The following AP1B1 variants were observed in gnomAD, a reference collection of about 807,000 sequenced individuals.
AP1B1 encodes the protein AP-1 complex subunit beta-1.
In AP1B1, 36 loss-of-function variants were observed where a neutral mutation model predicts 104.3. The observed-to-expected ratio is 0.35, with a 90% CI of 0.26 to 0.46. The LOEUF is 0.46. Ranked by LOEUF, AP1B1 falls within the 20% of genes least tolerant of loss-of-function variation. The probability of loss-of-function intolerance (pLI) is 1.00; values close to 1 mark genes in which losing one functional copy is unlikely to be tolerated. For synonymous variants in AP1B1, 504 were observed against 517.5 expected (o/e 0.97, Z 0.35); for missense variants, 901 against 1,247.9 (o/e 0.72, Z 4.19).
intron 1 of AP1B1, among the ~76,000 whole-genome samples, chr22:29,384,401 G>T (rs2062488066): frequency 6.6e-6 from 1 of 152,166 alleles, no homozygotes; most frequent in South Asian, 2.1e-4. Flanking sequence ...CATGAGGATG[G>T]ACAGGAGATA....
At chr22:29,332,496 C>T (rs938814250) in intron 17 of AP1B1, among the ~76,000 whole-genome samples, 3 of 152,338 alleles carry the variant, frequency 2.0e-5, no homozygotes, top group African/African-American at 2.4e-5. Flanking sequence ...GTGTGAGACA[C>T]GCCAGCAGCA....
intron 1 of AP1B1, among the ~76,000 whole-genome samples, chr22:29,367,541 C>T (rs1249288814): frequency 6.6e-6 from 1 of 150,518 alleles, no homozygotes; most frequent in Non-Finnish European, 1.5e-5. Flanking sequence ...CTCAGCCAAT[C>T]CTCCTGCCTC....
Position 29,340,667 on chromosome 22 carries a change from G to C in AP1B1, c.1987C>G (p.Leu663Val). 6.4e-7 allele frequency: 1 copy of C among 1,558,278 alleles called. No homozygotes were observed. The highest frequency in any genetic ancestry group is 8.7e-7 in the Non-Finnish European group (1 of 1,149,416). The change falls in exon 14 of 23, where the codon CTT (leucine) becomes GTT (valine). Residue 663 changes from leucine (L) to valine (V), a missense_variant. Around this residue, in one of 3 missense-constraint regions of AP1B1, gnomAD observed 424 missense variants for 494.0 expected, o/e 0.86. Transcript: ENST00000357586. ...GGCCCACAACATACCAGGCTGTCAA[G>C]GCCACCGCCAAGAAGGTCCACAGCT... ...MGAVDLLGGG[L>V]DSLMGDEPEG...
intron 1 of AP1B1, among the ~76,000 whole-genome samples, chr22:29,385,425 T>C (rs1364576473): frequency 6.6e-6 from 1 of 152,108 alleles, no homozygotes; most frequent in Non-Finnish European, 1.5e-5. Context: ...AAGTAGCAAG[T>C]AGCTGAGGTT....
At chr22:29,355,464 C>G (rs897477255) in intron 6 of AP1B1, among the ~76,000 whole-genome samples, 11 of 151,804 alleles carry the variant, frequency 7.2e-5, no homozygotes, top group African/African-American at 2.4e-4. Flanking sequence ...CTGTCATAAA[C>G]AAACAAACAA....
At chr22:29,366,500 G>A (rs377584520) in intron 2 of AP1B1, among the ~76,000 whole-genome samples, 38 of 152,154 alleles carry the variant, frequency 2.5e-4, no homozygotes, top group African/African-American at 8.9e-4. Flanking sequence ...GCCGGGCATG[G>A]TGGTGTAATC....
chr22:29,337,478 G>C (rs969211651), intron 16 of AP1B1, among the ~76,000 whole-genome samples: 1 of 150,682 alleles, frequency 6.6e-6, no homozygotes, highest in Non-Finnish European at 1.5e-5. Context: ...CTCAGGGGGT[G>C]GGGAGGTGCT....
At position 29,351,246 on chromosome 22, in the gene AP1B1, C is replaced by G; in HGVS notation, c.1080G>C (p.Glu360Asp). Residue 360 changes from glutamate (E) to aspartate (D), a missense_variant, in exon 9 of 23, where the codon GAG (glutamate) becomes GAC (aspartate). Transcript: ENST00000357586. The part of the protein sequence containing the change: ...NIAQVLAELK[E>D]YATEVDVDFV... ...AGTCCACATCCACTTCTGTTGCGTA[C>G]TCTTTCAGCTCTGCCAACACCTGTG... 6.2e-7 allele frequency: 1 copy of G among 1,614,214 alleles called. No individual in the cohort carries two copies. Among genetic ancestry groups the G allele is most frequent in the Non-Finnish European group, 8.5e-7 (1 of 1,180,044 alleles).
rs763612751 is a variant in AP1B1, at chr22:29,330,634, G to A, written c.2600C>T (p.Pro867Leu). Reference sequence around the variant, plus strand: ...CTCGGAGTCCTCACCTGCATTGAGGGGGCAGTCTCTGATCTGGAACTGGGC... The same window carrying A: ...CTCGGAGTCCTCACCTGCATTGAGGAGGCAGTCTCTGATCTGGAACTGGGC... The part of the protein sequence containing the change: ...NEAQFQIRDC[P>L]LNAEAASSKL... Residue 867 changes from proline (P) to leucine (L), a missense_variant, in exon 20 of 23, where the codon CCC becomes CTC. Physicochemically the swap from Pro to Leu is moderately conservative, Grantham distance 98. Transcript: ENST00000357586. The A allele has an allele frequency of 6.2e-7, 1 of 1,613,764 alleles. No individual in the cohort carries two copies. The highest frequency in any genetic ancestry group is 1.3e-5 in the African/African-American group (1 of 74,924).
intron 9 of AP1B1, 106 bp from the exon 10 acceptor site, chr22:29,350,256 C>T: frequency 1.3e-6 from 1 of 789,602 alleles, no homozygotes; most frequent in Admixed American, 2.1e-5. Flanking sequence ...TCTGGCACAC[C>T]TTCCTCATCA....
At chr22:29,385,283 G>A (rs1430047464) in intron 1 of AP1B1, among the ~76,000 whole-genome samples, 7 of 152,224 alleles carry the variant, frequency 4.6e-5, no homozygotes, top group African/African-American at 1.7e-4. Flanking sequence ...CTACTTGGGA[G>A]GCTGAGGCAG....
chr22:29,359,152 C>T (rs2062005846), intron 4 of AP1B1, among the ~76,000 whole-genome samples, 181 bp from the exon 5 acceptor site: 1 of 152,208 alleles, frequency 6.6e-6, no homozygotes, highest in Admixed American at 6.5e-5. Context: ...GCACCCATGC[C>T]AGCTCTGCAC....
intron 1 of AP1B1, among the ~76,000 whole-genome samples, chr22:29,383,110 A>T (rs1483442500): frequency 1.3e-5 from 2 of 152,172 alleles, no homozygotes; most frequent in Non-Finnish European, 2.9e-5. Flanking sequence ...TTGACCTATC[A>T]GCATAGGCCA....
chr22:29,375,326 C>A (rs769942358), intron 1 of AP1B1, among the ~76,000 whole-genome samples: 15 of 122,210 alleles, frequency 1.2e-4, no homozygotes, highest in Admixed American at 2.2e-4. Flanking sequence ...CTCCAGCCTG[C>A]GTGACAGAGT....
At chr22:29,332,092 A>G in intron 17 of AP1B1, 176 bp from the exon 18 acceptor site, 1 of 608,770 alleles carries the variant, frequency 1.6e-6, no homozygotes, top group Non-Finnish European at 2.7e-6. Flanking sequence ...CCTCCCCCAG[A>G]TGGCCATCTG....
intron 17 of AP1B1, 115 bp downstream of exon 17, chr22:29,334,150 C>T: frequency 9.0e-7 from 1 of 1,107,768 alleles, no homozygotes; most frequent in Non-Finnish European, 1.3e-6. Flanking sequence ...AGAAAAGGGG[C>T]ACTGCCCTCC....
rs762372219 is a variant in AP1B1 at position 29,330,433 on chromosome 22, T to C, written c.2711A>G (p.Asn904Ser). 3 of 1,613,880 alleles carry C rather than the reference T, an allele frequency of 1.9e-6. No homozygotes were observed. The highest frequency in any genetic ancestry group is 2.5e-6 in the Non-Finnish European group (3 of 1,179,980). Residue 904 changes from asparagine (N) to serine (S), a missense_variant, in exon 21 of 23, where the codon AAC (asparagine) becomes AGC (serine). Coordinates refer to ENST00000357586, the MANE Select transcript of AP1B1 (RefSeq NM_001127.4). ...DMLYQSLKLT[N>S]GIWVLAELRI... is the part of the protein sequence containing the mutation. ...CAGCTCCGCCAGCACCCAGATGCCG[T>C]TGGTCAGCTTCAGGGACTGGTAGAG... is the stretch of plus-strand genomic sequence containing the variant.
intron 11 of AP1B1, among the ~76,000 whole-genome samples, chr22:29,342,990 C>T (rs2061737036): frequency 6.6e-6 from 1 of 152,212 alleles, no homozygotes; most frequent in Non-Finnish European, 1.5e-5. Context: ...GCCTCTTCCA[C>T]CCCGTCACAG....
chr22:29,334,185 G>T, intron 17 of AP1B1, 80 bp downstream of exon 17: 5 of 1,403,612 alleles, frequency 3.6e-6, no homozygotes, highest in Non-Finnish European at 4.7e-6. Context: ...ACCCCTGCCT[G>T]CAGTCCCCAG....
Sources: gnomAD v4.1 joint callset for allele counts (sites outside exome capture counted in the v4.1 genomes callset) on GRCh38, gnomAD v4.1.1 for gene constraint, gnomAD v4.1.1 regional missense constraint, MANE v1.5 for transcripts, NCBI Gene and HGNC (gene_info 2026-07-23, HGNC 2026-07-21) for gene names.